The following THEM4 variants were observed in gnomAD, a reference collection of about 807,000 sequenced individuals.
The protein encoded by THEM4 is acyl-coenzyme A thioesterase THEM4.
THEM4 carries 22 observed loss-of-function variants against 25.0 expected under a neutral mutation model. That is an observed-to-expected ratio of 0.88 (90% confidence interval 0.63 to 1.26). THEM4 has a LOEUF of 1.26. THEM4 is among the 50% of genes most tolerant of loss of function. The pLI is 0.00. For missense variants in THEM4, 286 were observed against 300.3 expected (o/e 0.95, Z 0.35); for synonymous variants, 113 against 105.6 (o/e 1.07, Z -0.43).
chr1:151,896,575 A>G (rs1051288132), intron 1 of THEM4, among the ~76,000 whole-genome samples: 14 of 152,214 alleles, frequency 9.2e-5, no homozygotes, highest in Admixed American at 3.9e-4. Context: ...TGGCATTATT[A>G]GGGTGCAAGA....
intron 2 of THEM4, among the ~76,000 whole-genome samples, chr1:151,891,898 GAGA>G (rs777603314): frequency 4.6e-5 from 7 of 152,138 alleles, no homozygotes; most frequent in African/African-American, 9.7e-5. Flanking sequence ...CAACAAGGAG[GAGA>G]AGAAGAGGAG....
At chr1:151,889,443 C>T (rs1349832082) in intron 2 of THEM4, 70 bp from the exon 3 acceptor site, 42 of 1,470,904 alleles carry the variant, frequency 2.9e-5, no homozygotes, top group Non-Finnish European at 3.7e-5. Context: ...AGCCAAGCAC[C>T]TGTACCCTGC....
Position 151,898,469 on chromosome 1 carries a change from G to C in THEM4, c.100-3275C>G, listed in dbSNP as rs73009663. Among the ~76,000 whole-genome samples the C allele has an allele frequency of 8.8e-3, 1,341 of 152,248 alleles. 28 individuals are homozygous for C. The highest frequency in any genetic ancestry group is 0.031 in the African/African-American group (1,289 of 41,530). On this transcript the variant is annotated intron_variant, in intron 1 of 5. Coordinates refer to ENST00000368814, the MANE Select transcript of THEM4 (RefSeq NM_053055.5). ...GAGAGTCTGAGCTCAGATGTGCCTA[G>C]CCCCAGCCCCAGGTGATGGTCCTTC...
intron 1 of THEM4, among the ~76,000 whole-genome samples, chr1:151,900,784 T>C (rs1654333031): frequency 6.6e-6 from 1 of 152,222 alleles, no homozygotes; most frequent in Non-Finnish European, 1.5e-5. Context: ...CCCCCAAATC[T>C]GGCCATAAAC....
rs748256953 is a variant in THEM4 at position 151,909,387 on chromosome 1, C to T, written c.72G>A (p.Leu24=). 6.6e-7 allele frequency: 1 copy of T among 1,506,008 alleles called. No homozygotes were observed. Among genetic ancestry groups the T allele is most frequent in the Non-Finnish European group, 8.8e-7 (1 of 1,133,746 alleles). 93.3% of individuals were successfully genotyped at this position (1,506,008 alleles called of 1,614,324 possible). A position where few individuals can be genotyped will look rare whatever the true frequency, so the allele number is the denominator to read the frequency against. ...GCTCGGGTCGCGGCTCGCTTCCCGG[C>T]AGGCGCCGGCCTACTGGCGGCAGGC... is the stretch of plus-strand genomic sequence containing the variant. ...ALCLPPVGRR[L]PGSEPRPELR... Residue 24 remains leucine, a synonymous_variant, in exon 1 of 6, where the codon CTG becomes CTA. Coordinates refer to ENST00000368814, the MANE Select transcript of THEM4 (RefSeq NM_053055.5).
intron 4 of THEM4, 55 bp downstream of exon 4, chr1:151,888,218 T>C: frequency 2.1e-6 from 3 of 1,420,578 alleles, no homozygotes; most frequent in East Asian, 2.3e-5. Context: ...GATCTGCAAC[T>C]GGGAACCTGA....
At chr1:151,907,294 GC>G (rs1163542726) in intron 1 of THEM4, among the ~76,000 whole-genome samples, 3 of 152,190 alleles carry the variant, frequency 2.0e-5, no homozygotes, top group African/African-American at 7.2e-5. Context: ...CGCCGGACAT[GC>G]CGCCTTTAAG....
chr1:151,893,003 A>G (rs1654126271), intron 2 of THEM4, among the ~76,000 whole-genome samples: 1 of 152,180 alleles, frequency 6.6e-6, no homozygotes, highest in Non-Finnish European at 1.5e-5. Flanking sequence ...CAGCTGTGCC[A>G]AAAGCTGAGA....
At chr1:151,900,581 C>G (rs1001033974) in intron 1 of THEM4, among the ~76,000 whole-genome samples, 1 of 152,222 alleles carries the variant, frequency 6.6e-6, no homozygotes, top group Non-Finnish European at 1.5e-5. Context: ...TCAAAAAAGA[C>G]AAAGAGGGAC....
At chr1:151,908,596 A>T (rs1328076513) in intron 1 of THEM4, among the ~76,000 whole-genome samples, 1 of 152,174 alleles carries the variant, frequency 6.6e-6, no homozygotes, top group African/African-American at 2.4e-5. Flanking sequence ...GTGTTAAAAG[A>T]ATTTTCTTAA....
At chr1:151,875,273 G>A (rs1354029032) in intron 5 of THEM4, among the ~76,000 whole-genome samples, 6 of 152,178 alleles carry the variant, frequency 3.9e-5, no homozygotes, top group Admixed American at 3.9e-4. Flanking sequence ...AGCCTGGAAT[G>A]GAGTTCTTAA....
rs1654467502 is a variant in THEM4, at chr1:151,906,407, C to CT, written c.99+2952dup. Among the ~76,000 whole-genome samples, 5 of 152,254 alleles carry CT rather than the reference C, an allele frequency of 3.3e-5. No individual in the cohort carries two copies. The South Asian group carries it at 1.0e-3, about 31-fold the overall frequency. On this transcript the variant is annotated intron_variant, in intron 1 of 5. Coordinates refer to ENST00000368814, the MANE Select transcript of THEM4 (RefSeq NM_053055.5). ...GCTCGGGACCTGCAGCCTGCCATGC[C>CT]TGAGCCTCCCACGCCCTCCGTGGGC...
intron 1 of THEM4, among the ~76,000 whole-genome samples, chr1:151,901,353 A>G (rs779559159): frequency 6.6e-6 from 1 of 152,242 alleles, no homozygotes; most frequent in Non-Finnish European, 1.5e-5. Flanking sequence ...GACTTAACAG[A>G]TACATACAGA....
intron 1 of THEM4, among the ~76,000 whole-genome samples, chr1:151,899,873 G>C (rs966931591): frequency 2.6e-5 from 4 of 152,132 alleles, no homozygotes; most frequent in African/African-American, 9.7e-5. Context: ...CCAAAGCTAA[G>C]ACAAAGGAAA....
At chr1:151,886,795 A>G (rs1653981677) in intron 4 of THEM4, among the ~76,000 whole-genome samples, 1 of 152,184 alleles carries the variant, frequency 6.6e-6, no homozygotes, top group Admixed American at 6.5e-5. Context: ...CCTACAACTA[A>G]CATCATGCTG....
In THEM4 at chr1:151,874,828, T is replaced by A; in HGVS notation, c.*60A>T. 6.6e-7 allele frequency: 1 copy of A among 1,520,070 alleles called. No homozygotes were observed. The highest frequency in any genetic ancestry group is 9.1e-7 in the Non-Finnish European group (1 of 1,096,134). 94.2% of individuals were successfully genotyped at this position (1,520,070 alleles called of 1,614,324 possible). On this transcript the variant is annotated 3_prime_UTR_variant, in exon 6 of 6. Coordinates refer to ENST00000368814, the MANE Select transcript of THEM4 (RefSeq NM_053055.5). ...ATTCAGCAGTGAGGGAGCAGAGTAT[T>A]TGGGGGACAACTGCTTCTTCTGGAG...
rs2101711542 is a variant in THEM4, at chr1:151,871,617, AAC to A, written c.*3269_*3270del. Among the ~76,000 whole-genome samples, 1 of 152,378 alleles carries A rather than the reference AAC, an allele frequency of 6.6e-6. No homozygotes were observed. The highest frequency in any genetic ancestry group is 1.9e-4 in the East Asian group (1 of 5,184). On this transcript the variant is annotated 3_prime_UTR_variant, in exon 6 of 6. Coordinates refer to ENST00000368814, the MANE Select transcript of THEM4 (RefSeq NM_053055.5). The stretch of plus-strand genomic sequence containing the variant: ...CACTGGCTATGGGGAACCCTATGTT[AAC>A]AGTGACTGAGCTTTTTCCTTAGTTG...
intron 4 of THEM4, among the ~76,000 whole-genome samples, chr1:151,884,522 A>G (rs1422744938): frequency 2.0e-5 from 3 of 152,162 alleles, no homozygotes; most frequent in African/African-American, 7.2e-5. Context: ...TTTCTAGCAA[A>G]TTCAGAGGAA....
chr1:151,889,771 C>T (rs1416723076), intron 2 of THEM4: 2 of 164,832 alleles, frequency 1.2e-5, no homozygotes, highest in African/African-American at 4.8e-5. Flanking sequence ...CCCTGGCAGA[C>T]ATGAGTTGAG....
Sources: gnomAD v4.1 joint callset for allele counts (sites outside exome capture counted in the v4.1 genomes callset) on GRCh38, gnomAD v4.1.1 for gene constraint, MANE v1.5 for transcripts, NCBI Gene and HGNC (gene_info 2026-07-23, HGNC 2026-07-21) for gene names.